The following SRGAP2 variants were observed in gnomAD, a reference collection of about 807,000 sequenced individuals.
SRGAP2 encodes SLIT-ROBO Rho GTPase activating protein 2, also known as SLIT-ROBO Rho GTPase-activating protein 2.
SRGAP2 carries 15 observed loss-of-function variants against 57.2 expected under a neutral mutation model. The ratio of observed to expected loss-of-function variants is 0.26; its 90% CI spans 0.18 to 0.40. SRGAP2 has a LOEUF of 0.40. Ranked by LOEUF, SRGAP2 falls within the 10% of genes least tolerant of loss-of-function variation. The probability of loss-of-function intolerance (pLI) is 1.00; values close to 1 mark genes in which losing one functional copy is unlikely to be tolerated. For missense variants in SRGAP2, 520 were observed against 669.6 expected, an observed-to-expected ratio of 0.78 and a Z score of 2.47; for synonymous variants, 249 against 248.0, an observed-to-expected ratio of 1.00 and a Z score of -0.04.
chr1:206,423,389 A>G (rs1660487093), intron 13 of SRGAP2, among the ~76,000 whole-genome samples: 1 of 152,128 alleles, frequency 6.6e-6, no homozygotes, highest in African/African-American at 2.4e-5. Flanking sequence ...TTGTTCTATA[A>G]TGCTGTCCTT....
intron 2 of SRGAP2, among the ~76,000 whole-genome samples, chr1:206,292,175 C>G (rs1191225171): frequency 1.8e-4 from 27 of 152,330 alleles, no homozygotes; most frequent in African/African-American, 6.5e-4. Context: ...GCTACTGCAT[C>G]TCTGAACAGT....
Position 206,458,563 on chromosome 1 carries a change from C to T in SRGAP2, c.2508-60C>T, listed in dbSNP as rs1249216748. 11 of 671,958 alleles carry T rather than the reference C, an allele frequency of 1.6e-5. No homozygotes were observed. The African/African-American group carries it at 2.0e-4, about 12-fold the overall frequency. 41.6% of individuals were successfully genotyped at this position (671,958 alleles called of 1,614,324 possible). ...CCAACATCTGCCCCCTCCCACTTAT[C>T]CTAGCTTCCTTGGAGCCAGGGCTCC... On this transcript the variant is annotated intron_variant, in intron 21 of 22. Transcript: ENST00000573034.
In SRGAP2 at chr1:206,453,380, C is replaced by A. The variant is rs782551475; in HGVS notation, c.2360C>A (p.Thr787Asn). Reference sequence around the variant, plus strand: ...CATCAGTACATCGTGGTCCAAGACACGTACGTTGGGCCCATGGCATCTTTG... The same window carrying A: ...CATCAGTACATCGTGGTCCAAGACAAGTACGTTGGGCCCATGGCATCTTTG... ...IPHQYIVVQD[T>N]EDGVVERSSP... The change falls in exon 20 of 23, where the codon ACC (threonine) becomes AAC (asparagine). Residue 787 changes from threonine to asparagine, a missense_variant and splice_region_variant. Coordinates refer to ENST00000573034, the MANE Select transcript of SRGAP2 (RefSeq NM_015326.5). 3.0e-6 allele frequency: 2 copies of A among 668,670 alleles called. No individual in the cohort carries two copies. The highest frequency in any genetic ancestry group is 1.8e-5 in the African/African-American group (1 of 54,558). The allele number at this position is 668,670 out of a possible 1,614,324, so 41.4% of individuals were successfully genotyped here.
intron 13 of SRGAP2, among the ~76,000 whole-genome samples, chr1:206,426,206 T>C (rs1553366273): frequency 6.6e-6 from 1 of 152,196 alleles, no homozygotes; most frequent in Non-Finnish European, 1.5e-5. Flanking sequence ...AGCTTATAGA[T>C]ACAAGTGAGA....
intron 4 of SRGAP2, among the ~76,000 whole-genome samples, chr1:206,371,502 G>A (rs1196453255): frequency 1.1e-4 from 17 of 149,600 alleles, no homozygotes; most frequent in Non-Finnish European, 1.9e-4. Flanking sequence ...AGGCCGAGAC[G>A]GGCAGATCAC....
At chr1:206,437,921 T>A (rs782245230) in intron 15 of SRGAP2, 43 bp from the exon 16 acceptor site, 1 of 778,610 alleles carries the variant, frequency 1.3e-6, no homozygotes, top group Admixed American at 1.7e-5. Context: ...TGTTTTTGCC[T>A]CTCTCACTCT....
chr1:206,410,917 A>G (rs1304183095), intron 10 of SRGAP2, among the ~76,000 whole-genome samples: 4 of 152,160 alleles, frequency 2.6e-5, no homozygotes, highest in Admixed American at 6.5e-5. Flanking sequence ...CTGGAGTGCA[A>G]TGGTGCAATC....
intron 21 of SRGAP2, among the ~76,000 whole-genome samples, chr1:206,456,328 A>G (rs3813982): frequency 0.41 from 61,584 of 151,918 alleles, 12,858 homozygotes; most frequent in Middle Eastern, 0.58. Context: ...TTAAAAAAAA[A>G]TTGAGAAGTT....
chr1:206,294,750 G>T (rs1437516723), intron 2 of SRGAP2, among the ~76,000 whole-genome samples: 1 of 149,938 alleles, frequency 6.7e-6, no homozygotes, highest in Non-Finnish European at 1.5e-5. Context: ...AGACAGCATA[G>T]GACTCCATCC....
intron 3 of SRGAP2, among the ~76,000 whole-genome samples, chr1:206,338,349 T>C (rs1571896287): frequency 1.8e-4 from 1 of 5,502 alleles, no homozygotes; most frequent in South Asian, 3.1e-3. Context: ...AAATGATAGA[T>C]GGAAAAGATA....
chr1:206,421,296 G>T (rs373554787), intron 13 of SRGAP2, 22 bp downstream of exon 13: 28 of 775,032 alleles, frequency 3.6e-5, no homozygotes, highest in Non-Finnish European at 6.3e-5. Context: ...AGCGGGGCCA[G>T]GCTGGTCTGG....
At chr1:206,313,298 G>A (rs543004602) in intron 3 of SRGAP2, among the ~76,000 whole-genome samples, 39 of 131,162 alleles carry the variant, frequency 3.0e-4, no homozygotes, top group African/African-American at 1.1e-3. Flanking sequence ...TTATAATCTA[G>A]TCAGGGAGAA....
At chr1:206,418,514 G>A (rs1659953913) in intron 11 of SRGAP2, among the ~76,000 whole-genome samples, 1 of 152,222 alleles carries the variant, frequency 6.6e-6, no homozygotes, top group Non-Finnish European at 1.5e-5. Flanking sequence ...TTTGCCCCTG[G>A]TTTAAATAAT....
At chr1:206,284,858 T>G (rs1358284930) in intron 2 of SRGAP2, among the ~76,000 whole-genome samples, 2 of 152,204 alleles carry the variant, frequency 1.3e-5, no homozygotes, top group Non-Finnish European at 2.9e-5. Flanking sequence ...TTGGCCTAAG[T>G]GGTGTTTGCA....
At chr1:206,254,709 A>G (rs1175826273) in intron 2 of SRGAP2, among the ~76,000 whole-genome samples, 1 of 149,774 alleles carries the variant, frequency 6.7e-6, no homozygotes, top group Non-Finnish European at 1.5e-5. Flanking sequence ...GATTCCTTTT[A>G]GTAGAGAACA....
intron 17 of SRGAP2, 139 bp downstream of exon 17, chr1:206,440,220 T>A: frequency 1.7e-6 from 1 of 603,604 alleles, no homozygotes; most frequent in Non-Finnish European, 3.0e-6. Context: ...AGTGCTAGAC[T>A]TATTTAATAC....
intron 5 of SRGAP2, among the ~76,000 whole-genome samples, chr1:206,389,378 C>G (rs1171363756): frequency 1.3e-5 from 2 of 151,862 alleles, no homozygotes; most frequent in Non-Finnish European, 2.9e-5. Context: ...GGGGTTTCAT[C>G]GTGTTAGCCA....
At chr1:206,315,857 C>G (rs534815416) in intron 3 of SRGAP2, among the ~76,000 whole-genome samples, 2 of 151,048 alleles carry the variant, frequency 1.3e-5, no homozygotes, top group African/African-American at 4.9e-5. Flanking sequence ...CAATTTCTTA[C>G]CTGTGAAATG....
intron 3 of SRGAP2, among the ~76,000 whole-genome samples, chr1:206,309,880 GCTTA>G (rs1672509857): frequency 6.6e-6 from 1 of 151,126 alleles, no homozygotes; most frequent in African/African-American, 2.5e-5. Flanking sequence ...AGGACCCCAG[GCTTA>G]GACAATAAAA....
Sources: allele counts gnomAD v4.1 joint callset (sites outside exome capture counted in the v4.1 genomes callset), GRCh38; gene constraint gnomAD v4.1.1; transcripts MANE v1.5; gene names NCBI Gene and HGNC (gene_info 2026-07-23, HGNC 2026-07-21).